The following SH3GL2 variants were observed in gnomAD, a reference collection of about 807,000 sequenced individuals.
SH3GL2 encodes the protein SH3 domain containing GRB2 like 2, endophilin A1.
In SH3GL2, 24 loss-of-function variants were observed where a neutral mutation model predicts 46.0. The observed-to-expected ratio is 0.52, with a 90% CI of 0.38 to 0.73. The LOEUF (loss-of-function observed/expected upper bound fraction) is 0.73, where lower values mean the gene tolerates loss of function less well. Among genes scored for constraint, SH3GL2 ranks in the 30% least tolerant of loss-of-function variants. The pLI, the probability that SH3GL2 is intolerant of heterozygous loss-of-function variation, is 0.00. For missense variants in SH3GL2, 413 were observed against 424.2 expected (o/e 0.97, Z 0.23); for synonymous variants, 196 against 147.1 (o/e 1.33, Z -2.40).
intron 1 of SH3GL2, among the ~76,000 whole-genome samples, chr9:17,674,556 C>T (rs1820559760): frequency 6.6e-6 from 1 of 151,808 alleles, no homozygotes; most frequent in Non-Finnish European, 1.5e-5. Flanking sequence ...GTGAGCCTGC[C>T]CAAAGCAATG....
intron 1 of SH3GL2, among the ~76,000 whole-genome samples, chr9:17,662,776 C>T (rs956850242): frequency 1.3e-4 from 19 of 149,676 alleles, no homozygotes; most frequent in African/African-American, 4.5e-4. Context: ...GTGGCACGAC[C>T]TCAGCTCACT....
At chr9:17,589,170 G>A (rs1472367585) in intron 1 of SH3GL2, 8 of 152,006 alleles carry the variant, frequency 5.3e-5, no homozygotes, top group African/African-American at 1.9e-4. Flanking sequence ...TAATACATAA[G>A]GCTCAGTATG....
At chr9:17,621,346 A>C (rs1255636899) in intron 1 of SH3GL2, among the ~76,000 whole-genome samples, 1 of 152,236 alleles carries the variant, frequency 6.6e-6, no homozygotes, top group East Asian at 1.9e-4. Context: ...AGACTGTGCT[A>C]ATTTATGTCC....
intron 6 of SH3GL2, among the ~76,000 whole-genome samples, 162 bp from the exon 7 acceptor site, chr9:17,791,069 C>T (rs1824112869): frequency 6.6e-6 from 1 of 152,148 alleles, no homozygotes; most frequent in African/African-American, 2.4e-5. Flanking sequence ...GGATTTGAAA[C>T]CTGCAGAACT....
At chr9:17,758,137 C>G (rs939733983) in intron 2 of SH3GL2, among the ~76,000 whole-genome samples, 1 of 152,186 alleles carries the variant, frequency 6.6e-6, no homozygotes, top group Non-Finnish European at 1.5e-5. Flanking sequence ...CTCCTCATAA[C>G]ACACTTAAAG....
At chr9:17,742,936 A>G (rs1173807587) in intron 1 of SH3GL2, among the ~76,000 whole-genome samples, 1 of 152,216 alleles carries the variant, frequency 6.6e-6, no homozygotes, top group African/African-American at 2.4e-5. Context: ...ATAGGTGAAC[A>G]GTTTCTCAAA....
Position 17,795,914 on chromosome 9 carries a change from T to C in SH3GL2, c.*171T>C, listed in dbSNP as rs577276351. 8.3e-6 allele frequency: 5 copies of C among 605,044 alleles called. No homozygotes were observed. The highest frequency in any genetic ancestry group is 5.5e-5 in the African/African-American group (3 of 54,068). 37.5% of individuals were successfully genotyped at this position (605,044 alleles called of 1,614,324 possible). On this transcript the variant is annotated 3_prime_UTR_variant, in exon 9 of 9. Coordinates refer to ENST00000380607, the MANE Select transcript of SH3GL2 (RefSeq NM_003026.5). ...TGGGCTCCCACAGGAGTCATGGTGA[T>C]GGATGATATCCTCTTAGCCTGGTGG...
intron 1 of SH3GL2, among the ~76,000 whole-genome samples, chr9:17,735,417 C>T (rs1029892183): frequency 2.0e-5 from 3 of 152,126 alleles, no homozygotes; most frequent in Admixed American, 6.6e-5. Flanking sequence ...TGTGTTTGTG[C>T]ATGTGTGAGA....
intron 1 of SH3GL2, among the ~76,000 whole-genome samples, chr9:17,693,561 G>GAC: frequency 6.7e-6 from 1 of 149,272 alleles, no homozygotes; most frequent in South Asian, 2.1e-4. Context: ...TTCAAATATG[G>GAC]ACACACACAT....
At chr9:17,602,718 G>A (rs1299444653) in intron 1 of SH3GL2, among the ~76,000 whole-genome samples, 3 of 152,200 alleles carry the variant, frequency 2.0e-5, no homozygotes, top group Non-Finnish European at 4.4e-5. Flanking sequence ...TGGGGAAGAT[G>A]GAGTGGGAAT....
At chr9:17,581,490 T>TA (rs1422017430) in intron 1 of SH3GL2, among the ~76,000 whole-genome samples, 12 of 152,226 alleles carry the variant, frequency 7.9e-5, no homozygotes, top group Non-Finnish European at 1.8e-4. Flanking sequence ...GTTCTGTGCA[T>TA]ATGTATATTT....
intron 1 of SH3GL2, among the ~76,000 whole-genome samples, chr9:17,667,525 C>T (rs1416263035): frequency 6.6e-6 from 1 of 152,212 alleles, no homozygotes; most frequent in South Asian, 2.1e-4. Context: ...GTTTTTATGG[C>T]AGAATAATAT....
chr9:17,707,082 G>C (rs1821490351), intron 1 of SH3GL2, among the ~76,000 whole-genome samples: 1 of 152,036 alleles, frequency 6.6e-6, no homozygotes. Context: ...AAAATCAGGA[G>C]AGCAGCCTAC....
chr9:17,603,123 G>A (rs1818699704), intron 1 of SH3GL2, among the ~76,000 whole-genome samples: 1 of 152,118 alleles, frequency 6.6e-6, no homozygotes. Flanking sequence ...TTCCAGAGCA[G>A]CAAAGAGTTT....
chr9:17,793,493 T>C lies in SH3GL2; in HGVS notation c.855T>C (p.Pro285=), dbSNP rs764863590. Residue 285 remains proline (P), a synonymous_variant, in exon 8 of 9, where the codon CCT becomes CCC. Transcript: ENST00000380607. ...TCTCCCACACAGGCACTCCCAAACCTTCAGGTAAGAGCTGAAACTGCAGAT... is the reference window on the plus strand; with the variant it reads ...TCTCCCACACAGGCACTCCCAAACCCTCAGGTAAGAGCTGAAACTGCAGAT... ...GGLSHTGTPK[P]SGVQMDQPCC... The C allele has an allele frequency of 8.7e-6, 14 of 1,612,718 alleles. No homozygotes were observed. The highest frequency in any genetic ancestry group is 1.2e-5 in the Non-Finnish European group (14 of 1,179,584).
intron 1 of SH3GL2, among the ~76,000 whole-genome samples, chr9:17,623,409 G>A (rs936158569): frequency 1.3e-5 from 2 of 152,108 alleles, no homozygotes; most frequent in Non-Finnish European, 2.9e-5. Context: ...ATATAGGGTA[G>A]TGTGTAGACT....
chr9:17,749,002 T>C (rs1822770117), intron 2 of SH3GL2, among the ~76,000 whole-genome samples: 1 of 152,218 alleles, frequency 6.6e-6, no homozygotes, highest in Non-Finnish European at 1.5e-5. Context: ...AGCTGGTCAT[T>C]CTGGCTAAGT....
chr9:17,624,504 A>G (rs1232480243), intron 1 of SH3GL2, among the ~76,000 whole-genome samples: 1 of 135,864 alleles, frequency 7.4e-6, no homozygotes, highest in Non-Finnish European at 1.6e-5. Context: ...ATTCTGCTCT[A>G]AGCAAGAGTC....
At chr9:17,750,776 T>C (rs941667827) in intron 2 of SH3GL2, among the ~76,000 whole-genome samples, 1 of 152,214 alleles carries the variant, frequency 6.6e-6, no homozygotes, top group Non-Finnish European at 1.5e-5. Context: ...GATTGTGTAG[T>C]TTTTTGTTGT....
Sources: allele counts gnomAD v4.1 joint callset (sites outside exome capture counted in the v4.1 genomes callset), GRCh38; gene constraint gnomAD v4.1.1; transcripts MANE v1.5; gene names NCBI Gene and HGNC (gene_info 2026-07-23, HGNC 2026-07-21).